PI4KA: variants seen among roughly 807,000 people sequenced by gnomAD.
PI4KA encodes PI4-kinase alpha.
PI4KA carries 122 observed loss-of-function variants against 271.4 expected under a neutral mutation model. The observed-to-expected ratio is 0.45, with a 90% confidence interval of 0.39 to 0.52. The LOEUF (loss-of-function observed/expected upper bound fraction) is 0.52, where lower values mean the gene tolerates loss of function less well. PI4KA is among the 20% of genes least tolerant of loss of function. The pLI, the probability that PI4KA is intolerant of heterozygous loss-of-function variation, is 0.00. For missense variants in PI4KA, 1,969 were observed against 2,769.1 expected (o/e 0.71, Z 6.48); for synonymous variants, 1,041 against 1,078.8 (o/e 0.96, Z 0.69).
intron 1 of PI4KA, among the ~76,000 whole-genome samples, chr22:20,856,896 C>A: frequency 6.6e-6 from 1 of 152,198 alleles, no homozygotes; most frequent in East Asian, 1.9e-4. Context: ...ACTGCTGGAG[C>A]TGCAGGACCA....
chr22:20,827,881 G>A (rs559773353), intron 3 of PI4KA, among the ~76,000 whole-genome samples: 14 of 152,036 alleles, frequency 9.2e-5, no homozygotes, highest in African/African-American at 2.9e-4. Flanking sequence ...TGCAACCTCC[G>A]CCTCCCAGGT....
At chr22:20,828,090 G>A (rs1193997123) in intron 3 of PI4KA, among the ~76,000 whole-genome samples, 2 of 152,004 alleles carry the variant, frequency 1.3e-5, no homozygotes, top group African/African-American at 2.4e-5. Flanking sequence ...CACTATGCCC[G>A]ACTGGTATTT....
chr22:20,796,100 A>G, intron 18 of PI4KA, 46 bp downstream of exon 18: 1 of 1,563,524 alleles, frequency 6.4e-7, no homozygotes, highest in Non-Finnish European at 8.8e-7. Flanking sequence ...CTTGGCCAGC[A>G]GGGATAGGAC....
At chr22:20,723,890 G>A (rs558501709) in intron 42 of PI4KA, among the ~76,000 whole-genome samples, 154 of 151,690 alleles carry the variant, frequency 1.0e-3, no homozygotes, top group African/African-American at 3.6e-3. Flanking sequence ...CCAGGCTGGA[G>A]AGCAGTGGCA....
At chr22:20,839,143 G>A (rs1350986164) in intron 1 of PI4KA, among the ~76,000 whole-genome samples, 1 of 152,162 alleles carries the variant, frequency 6.6e-6, no homozygotes, top group Non-Finnish European at 1.5e-5. Flanking sequence ...CTTGAACCCA[G>A]GAGACAGAGG....
chr22:20,714,553 C>T lies in PI4KA; in HGVS notation c.5391-25G>A, dbSNP rs764581868. 4 of 1,613,942 alleles carry T rather than the reference C, an allele frequency of 2.5e-6. No individual in the cohort carries two copies. In the South Asian group the frequency reaches 3.3e-5, roughly 13 times the overall value. ...ACTGAAAACAACAAAAAGAATGTGG[C>T]ACCCATGATGCAGCCGAGAAAAACT... On this transcript the variant is annotated intron_variant, in intron 46 of 54. Coordinates refer to ENST00000255882, the MANE Select transcript of PI4KA (RefSeq NM_058004.4).
At chr22:20,824,008 C>A (rs949294967) in intron 4 of PI4KA, among the ~76,000 whole-genome samples, 1 of 151,892 alleles carries the variant, frequency 6.6e-6, no homozygotes, top group African/African-American at 2.4e-5. Flanking sequence ...AAATGAGCTG[C>A]CTCTGCCTTT....
rs140441494 is a variant in PI4KA at position 20,819,168 on chromosome 22, C to G, written c.789+473G>C. On this transcript the variant is annotated intron_variant, in intron 6 of 54. Coordinates refer to ENST00000255882, the MANE Select transcript of PI4KA (RefSeq NM_058004.4). ...GGAGGCAGTGTGTCATATGTGTAAT[C>G]TATAGTAGCGGCAGTTTAAATGAAT... Among the ~76,000 whole-genome samples, 670 of 152,280 alleles carry G rather than the reference C, an allele frequency of 4.4e-3. 5 individuals are homozygous for G. The highest frequency in any genetic ancestry group is 0.016 in the African/African-American group (645 of 41,572).
chr22:20,858,668 A>AGCAGCC lies in PI4KA; in HGVS notation c.52_57dup (p.Gly18_Cys19dup), dbSNP rs1279600294. 1.6e-5 allele frequency: 23 copies of AGCAGCC among 1,473,150 alleles called. No individual in the cohort carries two copies. Among genetic ancestry groups the AGCAGCC allele is most frequent in the African/African-American group, 1.1e-4 (7 of 64,752 alleles). 91.3% of individuals were successfully genotyped at this position (1,473,150 alleles called of 1,614,324 possible). ...CGCGAGGCGCTGGAGCCGGAGCCGGAGCAGCCGCCGCCGCCTCCGCCTCCG... is the reference window on the plus strand; with the variant it reads ...CGCGAGGCGCTGGAGCCGGAGCCGGAGCAGCCGCAGCCGCCGCCGCCTCCGCCTCCG... On this transcript the variant is annotated inframe_insertion, in exon 1 of 55. Coordinates refer to ENST00000255882, the MANE Select transcript of PI4KA (RefSeq NM_058004.4).
chr22:20,798,339 T>G, intron 17 of PI4KA: 1 of 482,176 alleles, frequency 2.1e-6, no homozygotes, highest in Non-Finnish European at 3.8e-6. Flanking sequence ...GTCAGCTGCA[T>G]GTGCAGCATG....
At chr22:20,717,661 G>A (rs778216677) in intron 45 of PI4KA, 47 bp downstream of exon 45, 39 of 1,446,104 alleles carry the variant, frequency 2.7e-5, no homozygotes, top group South Asian at 3.7e-5. Context: ...CCCGCCGCCC[G>A]CCTGCAGGAA....
chr22:20,812,990 T>C (rs535889337), intron 8 of PI4KA, among the ~76,000 whole-genome samples: 2 of 152,142 alleles, frequency 1.3e-5, no homozygotes, highest in Non-Finnish European at 2.9e-5. Flanking sequence ...TTAACCCAAA[T>C]AGAGCCACCC....
At position 20,811,046 on chromosome 22, in the gene PI4KA, A is replaced by T. The variant is rs1421199620; in HGVS notation, c.1006-14T>A. The T allele has an allele frequency of 6.2e-7, 1 of 1,605,092 alleles. No homozygotes were observed. The highest frequency in any genetic ancestry group is 8.5e-7 in the Non-Finnish European group (1 of 1,171,720). On this transcript the variant is annotated splice_polypyrimidine_tract_variant and intron_variant, in intron 8 of 54. Transcript: ENST00000255882. ...GATCTTCTTCACCTACCAAGGAAAC[A>T]GAACCTCATGAAGCAACTGACATAC...
intron 43 of PI4KA, among the ~76,000 whole-genome samples, chr22:20,720,706 A>G: frequency 6.6e-6 from 1 of 152,244 alleles, no homozygotes; most frequent in East Asian, 1.9e-4. Flanking sequence ...AAGTGGAACG[A>G]GAATGAGAAT....
Position 20,838,654 on chromosome 22 carries a change from C to T in PI4KA, c.234G>A (p.Val78=). Residue 78 remains valine, a synonymous_variant, in exon 2 of 55, where the codon GTG becomes GTA. Transcript: ENST00000255882. ...FQLDERRRDA[V]IALGIFLIES... ...CAATCAGAAAAATGCCCAATGCAAT[C>T]ACTGCATCTCTCCGTCTTTCATCTA... 6.2e-7 allele frequency: 1 copy of T among 1,612,022 alleles called. No individual in the cohort carries two copies. Among genetic ancestry groups the T allele is most frequent in the Non-Finnish European group, 8.5e-7 (1 of 1,178,124 alleles).
In PI4KA at chr22:20,805,075, T is replaced by C. The variant is rs1330600349; in HGVS notation, c.1259A>G (p.Asp420Gly). The C allele has an allele frequency of 6.2e-7, 1 of 1,614,120 alleles. No homozygotes were observed. Among genetic ancestry groups the C allele is most frequent in the East Asian group, 2.2e-5 (1 of 44,880 alleles). ...CAGCTCATTGTGGATCCGGTCTGCG[T>C]CATGTAGAATCTTCTGGAGCTCCCC... Reference protein sequence around the residue: ...SQGELQKILHDADRIHNELSP... With the variant: ...SQGELQKILHGADRIHNELSP... The change falls in exon 11 of 55, where the codon GAC (aspartate) becomes GGC (glycine). Residue 420 changes from aspartate (D) to glycine (G), a missense_variant. Coordinates refer to ENST00000255882, the MANE Select transcript of PI4KA (RefSeq NM_058004.4).
chr22:20,830,921 G>A (rs1924076987), intron 3 of PI4KA, among the ~76,000 whole-genome samples: 1 of 152,066 alleles, frequency 6.6e-6, no homozygotes, highest in African/African-American at 2.4e-5. Flanking sequence ...ACAGGCATCT[G>A]CCACCATGCT....
rs573026413 is a variant in PI4KA at position 20,714,006 on chromosome 22, G to A, written c.5461+452C>T. ...GAGATCATCATGTGAAGAGGGAGGC[G>A]GAGATGGGAGTGGAGCATCTGCAGG... On this transcript the variant is annotated intron_variant, in intron 47 of 54. Coordinates refer to ENST00000255882, the MANE Select transcript of PI4KA (RefSeq NM_058004.4). 1.7e-3 allele frequency among the ~76,000 whole-genome samples: 261 copies of A among 152,306 alleles called. 2 individuals are homozygous for A. The highest frequency in any genetic ancestry group is 6.0e-3 in the African/African-American group (248 of 41,564).
chr22:20,728,833 C>G (rs2147232531), intron 39 of PI4KA, among the ~76,000 whole-genome samples: 1 of 152,322 alleles, frequency 6.6e-6, no homozygotes, highest in South Asian at 2.1e-4. Flanking sequence ...CCCTCTCAGC[C>G]ACCATCGGTC....
Sources: gnomAD v4.1 joint callset for allele counts (sites outside exome capture counted in the v4.1 genomes callset) on GRCh38, gnomAD v4.1.1 for gene constraint, MANE v1.5 for transcripts, NCBI Gene and HGNC (gene_info 2026-07-23, HGNC 2026-07-21) for gene names.